NEGR1: variants seen among roughly 807,000 people sequenced by gnomAD.
NEGR1 encodes the protein IgLON family member 4.
In NEGR1, 10 loss-of-function variants were observed where a neutral mutation model predicts 40.9. The ratio of observed to expected loss-of-function variants is 0.24; its 90% confidence interval spans 0.15 to 0.42. The LOEUF is 0.42. Ranked by LOEUF, NEGR1 falls within the 10% of genes least tolerant of loss-of-function variation. The pLI is 1.00. For missense variants in NEGR1, 352 were observed against 438.9 expected (o/e 0.80, Z 1.77); for synonymous variants, 185 against 166.8 (o/e 1.11, Z -0.84).
chr1:71,606,289 A>G (rs1224349648), intron 5 of NEGR1, among the ~76,000 whole-genome samples: 1 of 152,158 alleles, frequency 6.6e-6, no homozygotes, highest in Non-Finnish European at 1.5e-5. Flanking sequence ...CCATCTGCCA[A>G]TAACTAGCAC....
chr1:71,819,551 G>C (rs183754655), intron 2 of NEGR1, among the ~76,000 whole-genome samples: 2 of 151,820 alleles, frequency 1.3e-5, no homozygotes, highest in Admixed American at 1.3e-4. Flanking sequence ...AGGAAGAATT[G>C]AAAGATAAAG....
At chr1:71,749,988 C>CTTTTTTTTTTTTTTTTTTTTTT (rs768011020) in intron 3 of NEGR1, among the ~76,000 whole-genome samples, 1 of 136,636 alleles carries the variant, frequency 7.3e-6, no homozygotes. Flanking sequence ...TTGCTCCTTT[C>CTTTTTTTTTTTTTTTTTTTTTT]TTTTTTTTTT....
At chr1:71,474,265 TAAAG>T (rs1646803410) in intron 6 of NEGR1, among the ~76,000 whole-genome samples, 1 of 146,374 alleles carries the variant, frequency 6.8e-6, no homozygotes, top group South Asian at 2.2e-4. Context: ...ATGGAATAAA[TAAAG>T]AAAACAGGAA....
At chr1:72,089,875 C>T (rs573669413) in intron 1 of NEGR1, among the ~76,000 whole-genome samples, 2 of 151,990 alleles carry the variant, frequency 1.3e-5, no homozygotes, top group Non-Finnish European at 2.9e-5. Context: ...TGAGTCACAC[C>T]TCACTTCAGG....
chr1:72,066,174 A>T (rs1647267315), intron 1 of NEGR1, among the ~76,000 whole-genome samples: 1 of 152,146 alleles, frequency 6.6e-6, no homozygotes, highest in African/African-American at 2.4e-5. Context: ...TACCAATTAT[A>T]CACATAAGAA....
intron 5 of NEGR1, among the ~76,000 whole-genome samples, chr1:71,595,883 C>G (rs1649692295): frequency 6.6e-6 from 1 of 151,994 alleles, no homozygotes; most frequent in African/African-American, 2.4e-5. Flanking sequence ...GATAAAAGAG[C>G]TCTCTAATTG....
chr1:72,116,772 A>G (rs1649596639), intron 1 of NEGR1, among the ~76,000 whole-genome samples: 1 of 151,774 alleles, frequency 6.6e-6, no homozygotes, highest in Non-Finnish European at 1.5e-5. Flanking sequence ...ATAGTCTGTA[A>G]AAGTGTTTAC....
intron 2 of NEGR1, among the ~76,000 whole-genome samples, chr1:71,912,948 T>TTAGCAC (rs1174528003): frequency 6.6e-6 from 1 of 152,180 alleles, no homozygotes; most frequent in African/African-American, 2.4e-5. Context: ...TCTGACATTT[T>TTAGCAC]TAGCACTAAT....
intron 4 of NEGR1, among the ~76,000 whole-genome samples, chr1:71,627,442 T>C (rs1004348870): frequency 3.9e-5 from 6 of 152,092 alleles, no homozygotes; most frequent in African/African-American, 4.8e-5. Context: ...CCCACCAATA[T>C]ATTTTGACTC....
chr1:71,698,965 T>A (rs1392848859), intron 3 of NEGR1, among the ~76,000 whole-genome samples: 1 of 151,856 alleles, frequency 6.6e-6, no homozygotes, highest in Non-Finnish European at 1.5e-5. Context: ...AGGATCCTAA[T>A]TATCAGAAGT....
At chr1:71,990,654 A>G (rs1570585005) in intron 1 of NEGR1, among the ~76,000 whole-genome samples, 1 of 152,120 alleles carries the variant, frequency 6.6e-6, no homozygotes, top group African/African-American at 2.4e-5. Context: ...GTTATAAAAC[A>G]TCTGTTTCTT....
At chr1:72,171,345 C>T (rs1448508573) in intron 1 of NEGR1, among the ~76,000 whole-genome samples, 1 of 152,158 alleles carries the variant, frequency 6.6e-6, no homozygotes, top group Non-Finnish European at 1.5e-5. Flanking sequence ...CAAAAATCTA[C>T]AGACGCTCAT....
chr1:71,743,135 G>C (rs1655270030), intron 3 of NEGR1, among the ~76,000 whole-genome samples: 1 of 152,156 alleles, frequency 6.6e-6, no homozygotes. Context: ...CTCTGAAACT[G>C]TGAGAAATAA....
At chr1:71,413,718 A>G (rs1646338133) in intron 6 of NEGR1, among the ~76,000 whole-genome samples, 1 of 152,100 alleles carries the variant, frequency 6.6e-6, no homozygotes, top group Admixed American at 6.6e-5. Context: ...ATGAAGCAAA[A>G]GTGTCCAAGC....
intron 1 of NEGR1, among the ~76,000 whole-genome samples, chr1:71,989,027 C>T (rs1168127204): frequency 2.0e-5 from 3 of 149,692 alleles, no homozygotes; most frequent in Non-Finnish European, 3.0e-5. Context: ...AAAGTTGTTT[C>T]ACCTCAAGCA....
At chr1:71,630,519 T>C (rs1389088459) in intron 4 of NEGR1, among the ~76,000 whole-genome samples, 1 of 151,968 alleles carries the variant, frequency 6.6e-6, no homozygotes, top group Non-Finnish European at 1.5e-5. Flanking sequence ...GAAAGCTCTC[T>C]CCAATGTGTT....
chr1:72,164,257 T>G (rs990066703), intron 1 of NEGR1, among the ~76,000 whole-genome samples: 1 of 152,038 alleles, frequency 6.6e-6, no homozygotes, highest in Non-Finnish European at 1.5e-5. Context: ...GAAGGTAGCT[T>G]ATGTTTAGAA....
intron 1 of NEGR1, among the ~76,000 whole-genome samples, chr1:72,255,082 A>G (rs140537294): frequency 1.1e-4 from 17 of 152,300 alleles, no homozygotes; most frequent in Admixed American, 8.5e-4. Context: ...CAGTCTGTCA[A>G]TTCTATTTAT....
At chr1:71,950,785 C>T (rs1014353543) in intron 1 of NEGR1, among the ~76,000 whole-genome samples, 8 of 151,876 alleles carry the variant, frequency 5.3e-5, no homozygotes, top group Non-Finnish European at 1.0e-4. Flanking sequence ...ACACAGAGGT[C>T]TATTGTTTCT....
Sources: gnomAD v4.1 joint callset for allele counts (sites outside exome capture counted in the v4.1 genomes callset) on GRCh38, gnomAD v4.1.1 for gene constraint, MANE v1.5 for transcripts, NCBI Gene and HGNC (gene_info 2026-07-23, HGNC 2026-07-21) for gene names.